Variants in KMT2E observed in about 807,000 individuals in gnomAD.
The protein encoded by KMT2E is lysine methyltransferase 2E (inactive).
KMT2E carries 30 observed loss-of-function variants against 184.6 expected under a neutral mutation model. That is an observed-to-expected ratio of 0.16 (90% CI 0.12 to 0.22). The LOEUF is 0.22. Among genes scored for constraint, KMT2E ranks in the 10% least tolerant of loss-of-function variants. The pLI is 1.00. For synonymous variants in KMT2E, 815 were observed against 776.5 expected, an observed-to-expected ratio of 1.05 and a Z score of -0.82; for missense variants, 2,023 against 2,237.4, an observed-to-expected ratio of 0.90 and a Z score of 1.93.
intron 3 of KMT2E, among the ~76,000 whole-genome samples, chr7:105,043,419 G>A (rs1354138605): frequency 6.6e-6 from 1 of 151,222 alleles, no homozygotes; most frequent in African/African-American, 2.4e-5. Context: ...TGTATTTTTA[G>A]TAGAGACGGG....
In KMT2E at chr7:105,107,921, A is replaced by G; in HGVS notation, c.3464A>G (p.Lys1155Arg). 1 of 1,582,340 alleles carries G rather than the reference A, an allele frequency of 6.3e-7. No individual in the cohort carries two copies. Among genetic ancestry groups the G allele is most frequent in the South Asian group, 1.2e-5 (1 of 85,880 alleles). Residue 1155 changes from lysine (K) to arginine (R), a missense_variant, in exon 22 of 27, where the codon AAA becomes AGA. Coordinates refer to ENST00000311117, the MANE Select transcript of KMT2E (RefSeq NM_182931.3). ...NCTPQNPPQK[K>R]KVSLLEYRKR... Reference sequence around the variant, plus strand: ...ACACCCCAGAATCCACCACAAAAGAAAAAGGTTACAAATTTAACAATTTAT... The same window carrying G: ...ACACCCCAGAATCCACCACAAAAGAGAAAGGTTACAAATTTAACAATTTAT...
chr7:105,033,287 A>G (rs1795499875), intron 1 of KMT2E, among the ~76,000 whole-genome samples: 1 of 152,244 alleles, frequency 6.6e-6, no homozygotes, highest in Non-Finnish European at 1.5e-5. Flanking sequence ...AAGAGTTTGA[A>G]GCCCACAATT....
intron 1 of KMT2E, among the ~76,000 whole-genome samples, chr7:105,032,920 C>T (rs1795487248): frequency 6.6e-6 from 1 of 152,210 alleles, no homozygotes. Flanking sequence ...ACCAGTGAAA[C>T]AAGTTTTTCC....
chr7:105,018,202 T>G (rs1281001206), intron 1 of KMT2E, among the ~76,000 whole-genome samples: 1 of 152,220 alleles, frequency 6.6e-6, no homozygotes. Flanking sequence ...CTAACAGCTC[T>G]GCATTTCTGG....
intron 13 of KMT2E, among the ~76,000 whole-genome samples, chr7:105,082,137 G>GT (rs1387889309): frequency 6.6e-6 from 1 of 152,100 alleles, no homozygotes; most frequent in African/African-American, 2.4e-5. Flanking sequence ...TGGTTAATCA[G>GT]TATGAATGAA....
rs1483894230 is a variant in KMT2E at position 105,113,024 on chromosome 7, A to G, written c.5268A>G (p.Pro1756=). The G allele has an allele frequency of 3.7e-6, 6 of 1,613,816 alleles. No homozygotes were observed. The highest frequency in any genetic ancestry group is 5.1e-6 in the Non-Finnish European group (6 of 1,179,918). ...CACTTTTTCCTTCGAGTGCTCATCC[A>G]ACTGTACCACCGTATCCCTCACAAG... is the stretch of plus-strand genomic sequence containing the variant. ...GPPLFPSSAH[P]TVPPYPSQAT... is the part of the protein sequence containing the mutation. The change falls in exon 27 of 27, where the codon CCA becomes CCG. Residue 1756 remains proline, a synonymous_variant. Transcript: ENST00000311117.
chr7:105,111,912 G>T lies in KMT2E; in HGVS notation c.4156G>T (p.Ala1386Ser), dbSNP rs759011440. The change falls in exon 27 of 27, where the codon GCA becomes TCA. Residue 1386 changes from alanine to serine, a missense_variant. Ala to Ser is a moderately conservative substitution (Grantham distance 99). Transcript: ENST00000311117. ...PDPQWDSTVS[A>S]SEAENGVHLK... ...TCCCCAATGGGACTCCACAGTTAGT[G>T]CATCCGAAGCTGAAAATGGTGTTCA... The T allele has an allele frequency of 6.2e-7, 1 of 1,614,146 alleles. No individual in the cohort carries two copies. Among genetic ancestry groups the T allele is most frequent in the Admixed American group, 1.7e-5 (1 of 60,030 alleles).
chr7:105,101,475 T>A lies in KMT2E; in HGVS notation c.1773T>A (p.Leu591=), dbSNP rs753223348. The A allele has an allele frequency of 5.9e-5, 94 of 1,580,804 alleles. No homozygotes were observed. The highest frequency in any genetic ancestry group is 8.0e-5 in the Non-Finnish European group (93 of 1,168,014). Reference sequence around the variant, plus strand: ...CAATTTTGCAAGCTTTTGCCAGACTTGAAAAGAGAGAGAAAAGAAGAGAAC... The same window carrying A: ...CAATTTTGCAAGCTTTTGCCAGACTAGAAAAGAGAGAGAAAAGAAGAGAAC... ...MEAILQAFAR[L]EKREKRREQA... is the part of the protein sequence containing the mutation. The change falls in exon 16 of 27, where the codon CTT becomes CTA. Residue 591 remains leucine (L), a synonymous_variant. Coordinates refer to ENST00000311117, the MANE Select transcript of KMT2E (RefSeq NM_182931.3).
At chr7:105,059,866 T>C (rs1399057327) in intron 3 of KMT2E, among the ~76,000 whole-genome samples, 1 of 152,038 alleles carries the variant, frequency 6.6e-6, no homozygotes, top group African/African-American at 2.4e-5. Flanking sequence ...ATTTAGATTT[T>C]CTACAATCAG....
At chr7:105,067,077 A>AG (rs1797058646) in intron 6 of KMT2E, among the ~76,000 whole-genome samples, 1 of 149,934 alleles carries the variant, frequency 6.7e-6, no homozygotes, top group Non-Finnish European at 1.5e-5. Context: ...AAAAAAAAAA[A>AG]AAAAAAAGAA....
intron 3 of KMT2E, among the ~76,000 whole-genome samples, chr7:105,057,129 GA>G (rs1796596495): frequency 6.6e-6 from 1 of 152,134 alleles, no homozygotes; most frequent in East Asian, 1.9e-4. Context: ...AATAAACCTT[GA>G]AAAATGTGTT....
At chr7:105,040,743 T>C (rs1795844497) in intron 2 of KMT2E, 96 bp from the exon 3 acceptor site, 2 of 364,572 alleles carry the variant, frequency 5.5e-6, no homozygotes, top group Non-Finnish European at 9.8e-6. Flanking sequence ...AATTTCAATT[T>C]ATATTGAGAT....
At chr7:105,089,667 A>G (rs146675638) in intron 13 of KMT2E, among the ~76,000 whole-genome samples, 85 of 152,306 alleles carry the variant, frequency 5.6e-4, no homozygotes, top group African/African-American at 1.8e-3. Context: ...TTTAGACCTG[A>G]ATCCCATTCC....
chr7:105,112,793 A>AAC lies in KMT2E; in HGVS notation c.5037_5038insAC (p.Pro1680ThrfsTer33). 12 of 470,464 alleles carry AAC rather than the reference A, an allele frequency of 2.6e-5. No homozygotes were observed. Among genetic ancestry groups the AAC allele is most frequent in the Admixed American group, 3.8e-5 (1 of 26,482 alleles). The allele number at this position is 470,464 out of a possible 1,614,324, so 29.1% of individuals were successfully genotyped here. The stretch of plus-strand genomic sequence containing the variant: ...AAACTGCTGGACACCACTTACCCCC[A>AAC]CCCCCACCCCCTCCTGGTCCTGCCC... On this transcript the variant is annotated frameshift_variant, in exon 27 of 27. Transcript: ENST00000311117. LOFTEE classifies it high-confidence loss of function.
chr7:105,074,150 A>G (rs982715677), intron 7 of KMT2E, among the ~76,000 whole-genome samples: 6 of 151,576 alleles, frequency 4.0e-5, no homozygotes, highest in South Asian at 4.1e-4. Flanking sequence ...TTATTCAACT[A>G]TTCCTCTTTG....
intron 1 of KMT2E, among the ~76,000 whole-genome samples, chr7:105,015,593 G>A (rs904617318): frequency 1.3e-5 from 2 of 152,168 alleles, no homozygotes; most frequent in East Asian, 1.9e-4. Context: ...TTGGAAAATA[G>A]TCTGTTTTTT....
At chr7:105,083,284 A>T (rs1448997530) in intron 13 of KMT2E, among the ~76,000 whole-genome samples, 1 of 152,098 alleles carries the variant, frequency 6.6e-6, no homozygotes, top group African/African-American at 2.4e-5. Flanking sequence ...ATTCTTTTCC[A>T]TAGAGTACTG....
chr7:105,113,778 G>A lies in KMT2E; in HGVS notation c.*445G>A, dbSNP rs555412343. ...AATACAGATTTTTATATTTTGGTGT[G>A]GACATGGCTCATTTTGTTTTACCAG... On this transcript the variant is annotated 3_prime_UTR_variant, in exon 27 of 27. Transcript: ENST00000311117. The A allele has an allele frequency of 6.4e-6, 1 of 156,206 alleles. No homozygotes were observed. The highest frequency in any genetic ancestry group is 1.4e-5 in the Non-Finnish European group (1 of 69,518). The allele number at this position is 156,206 out of a possible 1,614,324, so 9.7% of individuals were successfully genotyped here.
chr7:105,074,571 A>G (rs9641341), intron 7 of KMT2E, 72 bp from the exon 8 acceptor site: 196,843 of 1,133,134 alleles, frequency 0.17, 28,434 homozygotes, highest in East Asian at 0.67. Flanking sequence ...ACTTTGTCAT[A>G]TGGAATGCTG....
Sources: allele counts gnomAD v4.1 joint callset (sites outside exome capture counted in the v4.1 genomes callset), GRCh38; gene constraint gnomAD v4.1.1; transcripts MANE v1.5; gene names NCBI Gene and HGNC (gene_info 2026-07-23, HGNC 2026-07-21).